Variants in CPEB2 observed in about 807,000 individuals in gnomAD.
CPEB2 encodes cytoplasmic polyadenylation element-binding protein 2.
Under a neutral mutation model 93.6 loss-of-function variants are expected in CPEB2, and 56 were observed. The ratio of observed to expected loss-of-function variants is 0.60; its 90% confidence interval spans 0.48 to 0.75. The LOEUF is 0.75. Ranked by LOEUF, CPEB2 falls within the 30% of genes least tolerant of loss-of-function variation. The pLI is 0.00. For synonymous variants in CPEB2, 764 were observed against 586.3 expected, an observed-to-expected ratio of 1.30 and a Z score of -4.38; for missense variants, 1,579 against 1,395.1, an observed-to-expected ratio of 1.13 and a Z score of -2.10.
At chr4:15,027,672 C>T (rs1725633647) in intron 4 of CPEB2, among the ~76,000 whole-genome samples, 1 of 152,080 alleles carries the variant, frequency 6.6e-6, no homozygotes, top group Non-Finnish European at 1.5e-5. Context: ...TGGGGCAATG[C>T]TTTATTTAAA....
intron 4 of CPEB2, among the ~76,000 whole-genome samples, chr4:15,032,112 T>C (rs1372006660): frequency 6.6e-6 from 1 of 152,204 alleles, no homozygotes; most frequent in African/African-American, 2.4e-5. Flanking sequence ...TTTTCATTTG[T>C]TGAGAGACAG....
At chr4:15,023,482 T>C (rs572232897) in intron 4 of CPEB2, among the ~76,000 whole-genome samples, 1 of 152,200 alleles carries the variant, frequency 6.6e-6, no homozygotes, top group Admixed American at 6.5e-5. Context: ...TCTCACAAAC[T>C]AAAATAATCA....
intron 6 of CPEB2, among the ~76,000 whole-genome samples, chr4:15,050,903 T>C (rs991611585): frequency 5.3e-5 from 8 of 152,210 alleles, no homozygotes; most frequent in Admixed American, 2.0e-4. Flanking sequence ...CTCAGAAATA[T>C]GACATTTCTT....
In CPEB2 at chr4:15,052,108, T is replaced by C. The variant is rs557952381; in HGVS notation, c.2201-306T>C. ...TCTCCTGTTATATATCCATTCTAAC[T>C]GTCCACATACATTAGGTTCTTGCTT... On this transcript the variant is annotated intron_variant, in intron 6 of 11. Transcript: ENST00000538197. Among the ~76,000 whole-genome samples the C allele has an allele frequency of 7.2e-5, 11 of 152,268 alleles. No individual in the cohort carries two copies. The South Asian group carries it at 2.3e-3, about 32-fold the overall frequency.
In CPEB2 at chr4:15,003,288, C is replaced by G. The variant is rs745787979; in HGVS notation, c.615C>G (p.Pro205=). The G allele has an allele frequency of 5.3e-5, 80 of 1,509,256 alleles. 1 individual carries two copies. The highest frequency in any genetic ancestry group is 5.3e-4 in the South Asian group (43 of 81,646). 93.5% of individuals were successfully genotyped at this position (1,509,256 alleles called of 1,614,324 possible). ...CGCCGCCTCCGCCGCTCCACTGCCC[C>G]GGTCGGTTCAGCCCGCCGCCGCCGC... The part of the protein sequence containing the change: ...PPPPPPPLHC[P]GRFSPPPPPA... Residue 205 remains proline (P), a synonymous_variant, in exon 1 of 12, where the codon CCC becomes CCG. Coordinates refer to ENST00000538197, the MANE Select transcript of CPEB2 (RefSeq NM_001177382.2).
At chr4:15,006,390 CAGT>C (rs1382895524) in intron 1 of CPEB2, 1 of 149,752 alleles carries the variant, frequency 6.7e-6, no homozygotes, top group South Asian at 2.1e-4. Flanking sequence ...AACTTACTGA[CAGT>C]AGAATTACCA....
In CPEB2 at chr4:15,069,876, C is replaced by T. The variant is rs1450272307; in HGVS notation, c.*3496C>T. On this transcript the variant is annotated 3_prime_UTR_variant, in exon 12 of 12. Coordinates refer to ENST00000538197, the MANE Select transcript of CPEB2 (RefSeq NM_001177382.2). ...TTTTCAGTTGATTTTATTTTATATT[C>T]CTAATGGGGTGTTAAAGCCGTTTTT... 6.6e-6 allele frequency: 1 copy of T among 151,858 alleles called. No homozygotes were observed. Among genetic ancestry groups the T allele is most frequent in the African/African-American group, 2.4e-5 (1 of 41,298 alleles). 9.4% of individuals were successfully genotyped at this position (151,858 alleles called of 1,614,324 possible). A position where few individuals can be genotyped will look rare whatever the true frequency, so the allele number is the denominator to read the frequency against.
chr4:15,037,373 T>C (rs527316820), intron 5 of CPEB2, among the ~76,000 whole-genome samples: 1 of 152,146 alleles, frequency 6.6e-6, no homozygotes, highest in Non-Finnish European at 1.5e-5. Flanking sequence ...TTTTTCACAT[T>C]GAAAAAAATA....
In CPEB2 at chr4:15,003,759, A is replaced by AGGAGGCGGAGGG. The variant is rs1000149028; in HGVS notation, c.1095_1106dup (p.Gly366_Gly369dup). 1.3e-5 allele frequency: 14 copies of AGGAGGCGGAGGG among 1,101,746 alleles called. No homozygotes were observed. In the African/African-American group the frequency reaches 2.3e-4, roughly 18 times the overall value. The allele number at this position is 1,101,746 out of a possible 1,614,324, so 68.2% of individuals were successfully genotyped here. On this transcript the variant is annotated inframe_insertion, in exon 1 of 12. Coordinates refer to ENST00000538197, the MANE Select transcript of CPEB2 (RefSeq NM_001177382.2). ...GCGGCGGCGGGGGCGGGGGGCCCCCAGGAGGCGGAGGGGGAGGCGGCTCCG... is the reference window on the plus strand; with the variant it reads ...GCGGCGGCGGGGGCGGGGGGCCCCCAGGAGGCGGAGGGGGAGGCGGAGGGGGAGGCGGCTCCG...
chr4:15,066,570 G>T lies in CPEB2; in HGVS notation c.*190G>T. On this transcript the variant is annotated 3_prime_UTR_variant, in exon 12 of 12. Transcript: ENST00000538197. ...TTTTTCACCAAAACCCTACATCTCA[G>T]GCTTACTAATTTTTGTGATATTTTC... The T allele has an allele frequency of 1.7e-5, 9 of 524,588 alleles. No homozygotes were observed. The highest frequency in any genetic ancestry group is 3.0e-5 in the South Asian group (1 of 33,106). The allele number at this position is 524,588 out of a possible 1,614,324, so 32.5% of individuals were successfully genotyped here.
chr4:15,026,739 G>T (rs1725519462), intron 4 of CPEB2, among the ~76,000 whole-genome samples: 2 of 152,094 alleles, frequency 1.3e-5, no homozygotes, highest in South Asian at 4.1e-4. Flanking sequence ...AAGAATTCCT[G>T]TATATTGTAT....
chr4:15,033,110 T>G (rs751827512), intron 4 of CPEB2, 51 bp from the exon 5 acceptor site: 5 of 1,354,604 alleles, frequency 3.7e-6, no homozygotes. Context: ...TTGTTTTTGC[T>G]TTTCAAATAA....
chr4:15,038,777 CG>C (rs1553856867), intron 5 of CPEB2, among the ~76,000 whole-genome samples: 1 of 151,864 alleles, frequency 6.6e-6, no homozygotes, highest in Non-Finnish European at 1.5e-5. Flanking sequence ...TTAGTAGAGA[CG>C]AGGTTTCACC....
At chr4:15,048,173 G>A (rs1043690255) in intron 6 of CPEB2, among the ~76,000 whole-genome samples, 1 of 151,636 alleles carries the variant, frequency 6.6e-6, no homozygotes, top group Admixed American at 6.6e-5. Context: ...TGTTCATGAG[G>A]GATATTGGTA....
chr4:15,003,287 C>T lies in CPEB2; in HGVS notation c.614C>T (p.Pro205Leu), dbSNP rs1173632897. The change falls in exon 1 of 12, where the codon CCC (proline) becomes CTC (leucine). Residue 205 changes from proline to leucine, a missense_variant. Physicochemically the swap from Pro to Leu is moderately conservative, Grantham distance 98. This residue lies in a region of CPEB2 where 1,411 missense variants were observed against 1,056.0 expected (regional missense o/e 1.34). Coordinates refer to ENST00000538197, the MANE Select transcript of CPEB2 (RefSeq NM_001177382.2). ...CCGCCGCCTCCGCCGCTCCACTGCCCCGGTCGGTTCAGCCCGCCGCCGCCG... is the reference window on the plus strand; with the variant it reads ...CCGCCGCCTCCGCCGCTCCACTGCCTCGGTCGGTTCAGCCCGCCGCCGCCG... ...PPPPPPPLHCPGRFSPPPPPA... is the reference protein window; with the variant it reads ...PPPPPPPLHCLGRFSPPPPPA... 6.0e-6 allele frequency: 9 copies of T among 1,509,878 alleles called. No homozygotes were observed. The African/African-American group carries it at 1.2e-4, about 20-fold the overall frequency. 93.5% of individuals were successfully genotyped at this position (1,509,878 alleles called of 1,614,324 possible). A position where few individuals can be genotyped will look rare whatever the true frequency, so the allele number is the denominator to read the frequency against.
chr4:15,045,014 C>T (rs1172727585), intron 6 of CPEB2, among the ~76,000 whole-genome samples: 1 of 152,102 alleles, frequency 6.6e-6, no homozygotes, highest in African/African-American at 2.4e-5. Flanking sequence ...AGGTAGGGTT[C>T]TTGAACTCAT....
intron 9 of CPEB2, among the ~76,000 whole-genome samples, chr4:15,058,838 C>T (rs941972311): frequency 1.3e-5 from 2 of 152,088 alleles, no homozygotes; most frequent in African/African-American, 2.4e-5. Context: ...CATAGGAATG[C>T]GAACCCTATT....
intron 3 of CPEB2, among the ~76,000 whole-genome samples, chr4:15,015,924 T>C (rs1724081333): frequency 6.6e-6 from 1 of 152,006 alleles, no homozygotes; most frequent in African/African-American, 2.4e-5. Flanking sequence ...AAATGTGGCA[T>C]CTCTGTCTCT....
In CPEB2 at chr4:15,069,311, T is replaced by G. The variant is rs923556957; in HGVS notation, c.*2931T>G. ...AGGCTGACTAACCTCGATTCTGTGTTGTGATGTGCAATACTGTTTCTAATG... is the reference window on the plus strand; with the variant it reads ...AGGCTGACTAACCTCGATTCTGTGTGGTGATGTGCAATACTGTTTCTAATG... On this transcript the variant is annotated 3_prime_UTR_variant, in exon 12 of 12. Transcript: ENST00000538197. 1 of 152,288 alleles carries G rather than the reference T, an allele frequency of 6.6e-6. No individual in the cohort carries two copies. The highest frequency in any genetic ancestry group is 1.5e-5 in the Non-Finnish European group (1 of 67,840). The allele number at this position is 152,288 out of a possible 1,614,324, so 9.4% of individuals were successfully genotyped here. A position where few individuals can be genotyped will look rare whatever the true frequency, so the allele number is the denominator to read the frequency against.
Sources: gnomAD v4.1 joint callset for allele counts (sites outside exome capture counted in the v4.1 genomes callset) on GRCh38, gnomAD v4.1.1 for gene constraint, gnomAD v4.1.1 regional missense constraint, MANE v1.5 for transcripts, NCBI Gene and HGNC (gene_info 2026-07-23, HGNC 2026-07-21) for gene names.